RPSA2: variants seen among roughly 807,000 people sequenced by gnomAD.
RPSA2 encodes the protein ribosomal protein SA 2.
the RPSA2 span, among the ~76,000 whole-genome samples, chr19:23,844,490 T>C: frequency 3.3e-5 from 5 of 152,192 alleles, no homozygotes; most frequent in Non-Finnish European, 5.9e-5. Flanking sequence ...TATGTCTTTA[T>C]TGAAAAGTGC....
chr19:23,777,733 A>G, the RPSA2 span, among the ~76,000 whole-genome samples: 2 of 152,150 alleles, frequency 1.3e-5, no homozygotes, highest in Non-Finnish European at 2.9e-5. Context: ...CTTGCCCACA[A>G]GAACATTGTG....
At chr19:23,833,732 T>C in the RPSA2 span, among the ~76,000 whole-genome samples, 1 of 152,106 alleles carries the variant, frequency 6.6e-6, no homozygotes, top group African/African-American at 2.4e-5. Flanking sequence ...AAAAGTGTAA[T>C]TACTGTCCAA....
At chr19:23,864,877 G>T in the RPSA2 span, among the ~76,000 whole-genome samples, 3 of 152,096 alleles carry the variant, frequency 2.0e-5, no homozygotes, top group East Asian at 5.8e-4. Flanking sequence ...GCAGATGACT[G>T]ACAACCACCC....
chr19:23,833,062 G>A, the RPSA2 span: 1 of 1,330,026 alleles, frequency 7.5e-7, no homozygotes, highest in Non-Finnish European at 9.8e-7. Flanking sequence ...CTACAAGTGT[G>A]AAGAATGTGG....
At chr19:23,806,966 G>T in the RPSA2 span, among the ~76,000 whole-genome samples, 4 of 151,978 alleles carry the variant, frequency 2.6e-5, no homozygotes, top group African/African-American at 4.8e-5. Context: ...TTAGTGGGGG[G>T]CCATATCTCA....
the RPSA2 span, among the ~76,000 whole-genome samples, chr19:23,862,953 G>C: frequency 1.3e-5 from 2 of 149,802 alleles, no homozygotes; most frequent in Non-Finnish European, 3.0e-5. Flanking sequence ...TGTCAGGCTG[G>C]AGTGCAATGG....
At chr19:23,850,844 A>T in the RPSA2 span, among the ~76,000 whole-genome samples, 1 of 152,128 alleles carries the variant, frequency 6.6e-6, no homozygotes, top group African/African-American at 2.4e-5. Flanking sequence ...GTAATTGGGA[A>T]TGGGGAGTGG....
At chr19:23,775,490 T>C in the RPSA2 span, among the ~76,000 whole-genome samples, 97,203 of 152,046 alleles carry the variant, frequency 0.64, 31,479 homozygotes, top group East Asian at 0.8. Context: ...GACTCTCACG[T>C]GTACCTTATA....
chr19:23,829,522 A>C, the RPSA2 span, among the ~76,000 whole-genome samples: 1 of 152,174 alleles, frequency 6.6e-6, no homozygotes, highest in Non-Finnish European at 1.5e-5. Flanking sequence ...GCTAGTCTTG[A>C]ACTCCTGACT....
the RPSA2 span, among the ~76,000 whole-genome samples, chr19:23,820,785 A>G: frequency 6.6e-5 from 10 of 152,210 alleles, no homozygotes; most frequent in Non-Finnish European, 1.3e-4. Flanking sequence ...GGCTCTTGTT[A>G]GAGCTATCAG....
the RPSA2 span, among the ~76,000 whole-genome samples, chr19:23,823,161 G>A: frequency 1.3e-5 from 2 of 152,084 alleles, no homozygotes; most frequent in Non-Finnish European, 2.9e-5. Context: ...AGCCTCTGGG[G>A]GTCAACTTAA....
At chr19:23,835,313 A>T in the RPSA2 span, among the ~76,000 whole-genome samples, 1 of 152,128 alleles carries the variant, frequency 6.6e-6, no homozygotes, top group Non-Finnish European at 1.5e-5. Context: ...TAGTCTAAAG[A>T]TAAACTTTAG....
chr19:23,806,961 G>C, the RPSA2 span, among the ~76,000 whole-genome samples: 3 of 151,994 alleles, frequency 2.0e-5, no homozygotes, highest in Non-Finnish European at 4.4e-5. Flanking sequence ...TTACTTTAGT[G>C]GGGGGCCATA....
At chr19:23,850,764 T>C in the RPSA2 span, among the ~76,000 whole-genome samples, 14 of 152,234 alleles carry the variant, frequency 9.2e-5, no homozygotes, top group South Asian at 2.5e-3. Flanking sequence ...GCCTGTATAA[T>C]GGCTTTCAGC....
chr19:23,781,259 G>A, the RPSA2 span, among the ~76,000 whole-genome samples: 7 of 151,060 alleles, frequency 4.6e-5, no homozygotes, highest in South Asian at 2.1e-4. Context: ...AGGTGTGACC[G>A]CCATGCGTGG....
At chr19:23,840,818 C>T in the RPSA2 span, among the ~76,000 whole-genome samples, 13 of 151,864 alleles carry the variant, frequency 8.6e-5, no homozygotes, top group South Asian at 2.1e-4. Context: ...AAAAATTAGC[C>T]GGACACTGTG....
chr19:23,791,565 G>C, the RPSA2 span, among the ~76,000 whole-genome samples: 1 of 151,990 alleles, frequency 6.6e-6, no homozygotes, highest in African/African-American at 2.4e-5. Flanking sequence ...TGCCAAGCAG[G>C]ACCTCAAGTC....
the RPSA2 span, among the ~76,000 whole-genome samples, chr19:23,784,908 A>T: frequency 4.6e-5 from 7 of 152,218 alleles, no homozygotes; most frequent in African/African-American, 1.7e-4. Context: ...TCTGTCAGCT[A>T]TTGAGATTGT....
the RPSA2 span, chr19:23,832,033 C>T: frequency 2.3e-6 from 1 of 436,100 alleles, no homozygotes; most frequent in Non-Finnish European, 4.6e-6. Flanking sequence ...TAAGAAAATT[C>T]ATACTGAACA....
Sources: allele counts gnomAD v4.1 joint callset (sites outside exome capture counted in the v4.1 genomes callset), GRCh38; gene constraint gnomAD v4.1.1; transcripts MANE v1.5; gene names NCBI Gene and HGNC (gene_info 2026-07-23, HGNC 2026-07-21).